The following PPM1L variants were observed in gnomAD, a reference collection of about 807,000 sequenced individuals.
The protein encoded by PPM1L is protein phosphatase 1L.
Under a neutral mutation model 31.4 loss-of-function variants are expected in PPM1L, and 13 were observed. The ratio of observed to expected loss-of-function variants is 0.41; its 90% confidence interval spans 0.27 to 0.66. The LOEUF is 0.66. Ranked by LOEUF, PPM1L falls within the 30% of genes least tolerant of loss-of-function variation. PPM1L has a pLI of 0.29. For synonymous variants in PPM1L, 184 were observed against 175.4 expected (o/e 1.05, Z -0.39); for missense variants, 326 against 453.7 (o/e 0.72, Z 2.56).
intron 1 of PPM1L, among the ~76,000 whole-genome samples, chr3:160,797,658 A>G (rs763324121): frequency 2.0e-5 from 3 of 152,246 alleles, no homozygotes; most frequent in Non-Finnish European, 2.9e-5. Flanking sequence ...AAGAAAGACA[A>G]GAAAGTAAGA....
intron 2 of PPM1L, among the ~76,000 whole-genome samples, chr3:161,006,567 G>A (rs1361067067): frequency 1.3e-5 from 2 of 151,776 alleles, no homozygotes; most frequent in African/African-American, 4.8e-5. Context: ...TGAAGGTGAG[G>A]TGAAAAACTT....
chr3:160,841,891 C>G (rs1007550258), intron 1 of PPM1L, among the ~76,000 whole-genome samples: 2 of 152,126 alleles, frequency 1.3e-5, no homozygotes, highest in Non-Finnish European at 2.9e-5. Flanking sequence ...TAAATGTCAA[C>G]TTGTTTAGCT....
intron 1 of PPM1L, among the ~76,000 whole-genome samples, chr3:160,930,684 G>A (rs1001028035): frequency 6.6e-6 from 1 of 152,208 alleles, no homozygotes; most frequent in African/African-American, 2.4e-5. Flanking sequence ...GAGTGAAGGA[G>A]TTTAAGAGGG....
chr3:161,002,494 C>T (rs1717531702), intron 2 of PPM1L, among the ~76,000 whole-genome samples: 1 of 151,900 alleles, frequency 6.6e-6, no homozygotes, highest in African/African-American at 2.4e-5. Flanking sequence ...TCCTCTCCAG[C>T]ACCTGTTGTT....
chr3:160,814,025 T>TAA (rs1486602267), intron 1 of PPM1L, among the ~76,000 whole-genome samples: 2 of 152,226 alleles, frequency 1.3e-5, no homozygotes, highest in African/African-American at 2.4e-5. Context: ...GATCTTTTAC[T>TAA]ATTAGGCGTT....
rs1713573659 is a variant in PPM1L, at chr3:160,902,385, C to T, written c.400-59351C>T. Among the ~76,000 whole-genome samples, 4 of 152,106 alleles carry T rather than the reference C, an allele frequency of 2.6e-5. No homozygotes were observed. In the South Asian group the frequency reaches 8.3e-4, roughly 31 times the overall value. ...AAAGGAACCCAATCCTCTTGTTTCACATTTAGAAATCATCTTATGTCATTC... is the reference window on the plus strand; with the variant it reads ...AAAGGAACCCAATCCTCTTGTTTCATATTTAGAAATCATCTTATGTCATTC... On this transcript the variant is annotated intron_variant, in intron 1 of 3. Coordinates refer to ENST00000498165, the MANE Select transcript of PPM1L (RefSeq NM_139245.4).
At chr3:161,067,148 C>T (rs980377007) in intron 3 of PPM1L, among the ~76,000 whole-genome samples, 1 of 152,160 alleles carries the variant, frequency 6.6e-6, no homozygotes, top group Non-Finnish European at 1.5e-5. Context: ...GTACACAATA[C>T]ACCTGCAAAT....
At chr3:160,786,151 CTCTCTCTG>C (rs1258747453) in intron 1 of PPM1L, among the ~76,000 whole-genome samples, 7 of 85,686 alleles carry the variant, frequency 8.2e-5, no homozygotes, top group African/African-American at 3.4e-4. Context: ...CTCTCTCTCT[CTCTCTCTG>C]TGTGTGTGTG....
At chr3:161,003,874 A>G (rs9756496) in intron 2 of PPM1L, among the ~76,000 whole-genome samples, 180 of 150,642 alleles carry the variant, frequency 1.2e-3, no homozygotes, top group African/African-American at 4.2e-3. Flanking sequence ...TTCCAACACT[A>G]TGTTGAATAG....
At chr3:160,891,120 C>G (rs1713122844) in intron 1 of PPM1L, among the ~76,000 whole-genome samples, 1 of 152,068 alleles carries the variant, frequency 6.6e-6, no homozygotes, top group African/African-American at 2.4e-5. Context: ...CCAAAATTGA[C>G]AAATGTGATC....
chr3:160,938,449 A>T (rs746585672), intron 1 of PPM1L, among the ~76,000 whole-genome samples: 1 of 152,152 alleles, frequency 6.6e-6, no homozygotes. Context: ...TGCAAAATAG[A>T]TTGTCATATT....
chr3:160,808,345 A>G (rs1712675243), intron 1 of PPM1L, among the ~76,000 whole-genome samples: 4 of 118,280 alleles, frequency 3.4e-5, no homozygotes, highest in South Asian at 5.5e-4. Context: ...TGGGTGAGGG[A>G]AGCTGGGCTT....
rs148316805 is a variant in PPM1L at position 160,793,084 on chromosome 3, A to T, written c.399+36377A>T. Among the ~76,000 whole-genome samples the T allele has an allele frequency of 8.3e-4, 126 of 152,214 alleles. 1 individual carries two copies. The highest frequency in any genetic ancestry group is 2.7e-3 in the African/African-American group (111 of 41,530). On this transcript the variant is annotated intron_variant, in intron 1 of 3. Transcript: ENST00000498165. ...CTTATGACTTTTGATGTTAACCTTGATCATCTGGCTGAGGTAGTGTTTGTC... is the reference window on the plus strand; with the variant it reads ...CTTATGACTTTTGATGTTAACCTTGTTCATCTGGCTGAGGTAGTGTTTGTC...
At chr3:160,758,034 T>A (rs1714859481) in intron 1 of PPM1L, among the ~76,000 whole-genome samples, 1 of 152,250 alleles carries the variant, frequency 6.6e-6, no homozygotes, top group Non-Finnish European at 1.5e-5. Flanking sequence ...TTGCCAAGAA[T>A]GACAAACTTA....
chr3:160,792,198 TTAGC>T, intron 1 of PPM1L, among the ~76,000 whole-genome samples: 1 of 152,288 alleles, frequency 6.6e-6, no homozygotes, highest in African/African-American at 2.4e-5. Context: ...ATTTTTTGGG[TTAGC>T]TAATCAGAGG....
At chr3:160,888,956 A>G (rs1056267624) in intron 1 of PPM1L, among the ~76,000 whole-genome samples, 4 of 152,214 alleles carry the variant, frequency 2.6e-5, no homozygotes, top group Admixed American at 6.5e-5. Flanking sequence ...TAAAGGATGG[A>G]GAACAAAGAG....
rs769117553 is a variant in PPM1L at position 160,756,748 on chromosome 3, G to GAGACA, written c.399+41_399+42insAGACA. ...GGGCTTTGTATTTGTGTCCGTGTAT[G>GAGACA]TCTCGTGTGTGTGTGTGTGTGTGTG... On this transcript the variant is annotated intron_variant, in intron 1 of 3. Coordinates refer to ENST00000498165, the MANE Select transcript of PPM1L (RefSeq NM_139245.4). This position sits in a 1 kb window ranked among gnomAD's most constrained non-coding sequence, Gnocchi z 6.2. 1 of 1,318,694 alleles carries GAGACA rather than the reference G, an allele frequency of 7.6e-7. No homozygotes were observed. Among genetic ancestry groups the GAGACA allele is most frequent in the Admixed American group, 2.0e-5 (1 of 49,520 alleles). The allele number at this position is 1,318,694 out of a possible 1,614,324, so 81.7% of individuals were successfully genotyped here. A position where few individuals can be genotyped will look rare whatever the true frequency, so the allele number is the denominator to read the frequency against.
At chr3:160,892,198 C>T (rs572878183) in intron 1 of PPM1L, among the ~76,000 whole-genome samples, 1 of 152,248 alleles carries the variant, frequency 6.6e-6, no homozygotes, top group African/African-American at 2.4e-5. Flanking sequence ...TTAATTGGCT[C>T]ACAGTTCTGT....
chr3:160,837,241 T>C (rs1713745183), intron 1 of PPM1L, among the ~76,000 whole-genome samples: 1 of 152,216 alleles, frequency 6.6e-6, no homozygotes, highest in Admixed American at 6.5e-5. Context: ...CTCATGTGTA[T>C]ATACAGTACT....
Sources: gnomAD v4.1 joint callset for allele counts (sites outside exome capture counted in the v4.1 genomes callset) on GRCh38, gnomAD v4.1.1 for gene constraint, Gnocchi (gnomAD v3.1) non-coding constraint, MANE v1.5 for transcripts, NCBI Gene and HGNC (gene_info 2026-07-23, HGNC 2026-07-21) for gene names.